The following HS3ST4 variants were observed in gnomAD, a reference collection of about 807,000 sequenced individuals.
The protein encoded by HS3ST4 is heparan sulfate-glucosamine 3-sulfotransferase 4, also known as heparan sulfate glucosamine 3-O-sulfotransferase 4.
A neutral mutation model predicts 29.2 loss-of-function variants in HS3ST4; 17 were observed. The ratio of observed to expected loss-of-function variants is 0.58; its 90% CI spans 0.40 to 0.87. The LOEUF (loss-of-function observed/expected upper bound fraction) is 0.87, where lower values mean the gene tolerates loss of function less well. Among genes scored for constraint, HS3ST4 ranks in the 40% least tolerant of loss-of-function variants. HS3ST4 has a pLI of 0.00. For missense variants in HS3ST4, 627 were observed against 634.5 expected (o/e 0.99, Z 0.13); for synonymous variants, 314 against 285.7 (o/e 1.10, Z -1.00).
intron 1 of HS3ST4, among the ~76,000 whole-genome samples, chr16:25,836,188 A>G (rs1736040657): frequency 6.6e-6 from 1 of 152,162 alleles, no homozygotes; most frequent in African/African-American, 2.4e-5. Context: ...TAAGGAGCCA[A>G]AATTACAAAA....
intron 1 of HS3ST4, among the ~76,000 whole-genome samples, chr16:26,019,677 A>G (rs1053074688): frequency 6.6e-6 from 1 of 152,218 alleles, no homozygotes. Flanking sequence ...CAGATCCCAG[A>G]TCTGCACAAC....
intron 1 of HS3ST4, among the ~76,000 whole-genome samples, chr16:25,975,905 CT>C (rs768430728): frequency 1.4e-4 from 21 of 152,226 alleles, no homozygotes; most frequent in Admixed American, 8.5e-4. Context: ...TTGGACCCCC[CT>C]GTTCCCATTT....
chr16:25,948,467 C>T (rs192296436), intron 1 of HS3ST4, among the ~76,000 whole-genome samples: 2 of 152,092 alleles, frequency 1.3e-5, no homozygotes, highest in East Asian at 3.9e-4. Flanking sequence ...GAAATGCACT[C>T]GACCCCTCTT....
At chr16:25,864,102 C>T (rs6650559) in intron 1 of HS3ST4, among the ~76,000 whole-genome samples, 27,492 of 152,178 alleles carry the variant, frequency 0.18, 2,751 homozygotes, top group African/African-American at 0.27. Context: ...CCTAAAGGGA[C>T]ACCACTCAGG....
At chr16:25,999,682 A>C (rs1969188074) in intron 1 of HS3ST4, among the ~76,000 whole-genome samples, 1 of 147,956 alleles carries the variant, frequency 6.8e-6, no homozygotes, top group Non-Finnish European at 1.5e-5. Flanking sequence ...ACTACTTTAG[A>C]CACATACTAT....
At chr16:25,768,362 G>C (rs966710579) in intron 1 of HS3ST4, among the ~76,000 whole-genome samples, 1 of 152,210 alleles carries the variant, frequency 6.6e-6, no homozygotes, top group African/African-American at 2.4e-5. Context: ...ACAGGCCCTA[G>C]TAGGGCATCT....
intron 1 of HS3ST4, among the ~76,000 whole-genome samples, chr16:26,070,185 T>A (rs1012892764): frequency 6.6e-6 from 1 of 152,124 alleles, no homozygotes; most frequent in Non-Finnish European, 1.5e-5. Flanking sequence ...AGTGTAAAAG[T>A]GTTCCTATTT....
intron 1 of HS3ST4, among the ~76,000 whole-genome samples, chr16:25,805,749 G>C (rs1269884967): frequency 6.6e-6 from 1 of 152,012 alleles, no homozygotes; most frequent in Non-Finnish European, 1.5e-5. Flanking sequence ...AGGGTGTGCA[G>C]GTTTGTTACA....
intron 1 of HS3ST4, among the ~76,000 whole-genome samples, chr16:25,702,118 T>C (rs926271557): frequency 6.6e-6 from 1 of 152,170 alleles, no homozygotes; most frequent in African/African-American, 2.4e-5. Context: ...TAACCATTGT[T>C]CAGGACTTAT....
At chr16:25,945,578 A>C (rs1001647126) in intron 1 of HS3ST4, among the ~76,000 whole-genome samples, 4 of 152,216 alleles carry the variant, frequency 2.6e-5, no homozygotes, top group Non-Finnish European at 5.9e-5. Flanking sequence ...GGTGCTTCTC[A>C]AAGCAGTCAG....
intron 1 of HS3ST4, among the ~76,000 whole-genome samples, chr16:25,894,213 G>A (rs1968037742): frequency 6.6e-6 from 1 of 152,112 alleles, no homozygotes; most frequent in Non-Finnish European, 1.5e-5. Flanking sequence ...CAGATGCTGT[G>A]TTCTGTGAAG....
intron 1 of HS3ST4, among the ~76,000 whole-genome samples, chr16:25,848,321 G>A (rs1967485788): frequency 1.3e-5 from 2 of 152,042 alleles, no homozygotes; most frequent in South Asian, 2.1e-4. Context: ...TGTATCTTTA[G>A]TAGAGATGGG....
chr16:25,960,869 G>A (rs1232982219), intron 1 of HS3ST4, among the ~76,000 whole-genome samples: 1 of 152,192 alleles, frequency 6.6e-6, no homozygotes, highest in Non-Finnish European at 1.5e-5. Flanking sequence ...AGGAAAATCT[G>A]TGCAAGGAAA....
Position 26,108,701 on chromosome 16 carries a change from A to G in HS3ST4, c.735-26911A>G, listed in dbSNP as rs180855368. On this transcript the variant is annotated intron_variant, in intron 1 of 1. Transcript: ENST00000331351. ...AAGCTTTTGGAATAGTAAGATCTTA[A>G]TAAATGTGAATGTCTAACAATTGTT... 1.4e-3 allele frequency among the ~76,000 whole-genome samples: 220 copies of G among 152,352 alleles called. 1 individual carries two copies. Among genetic ancestry groups the G allele is most frequent in the African/African-American group, 5.0e-3 (209 of 41,582 alleles).
chr16:25,996,291 A>G (rs1031466525), intron 1 of HS3ST4, among the ~76,000 whole-genome samples: 3 of 152,218 alleles, frequency 2.0e-5, no homozygotes, highest in Admixed American at 2.0e-4. Flanking sequence ...GGGCCAGGGT[A>G]AAACTGAGGA....
chr16:26,134,620 A>G (rs1439457824), intron 1 of HS3ST4, among the ~76,000 whole-genome samples: 1 of 152,064 alleles, frequency 6.6e-6, no homozygotes, highest in Non-Finnish European at 1.5e-5. Context: ...TCAGCCTCCC[A>G]AAGTGCTGGG....
intron 1 of HS3ST4, among the ~76,000 whole-genome samples, chr16:26,012,930 C>G (rs545916669): frequency 6.6e-6 from 1 of 151,896 alleles, no homozygotes; most frequent in Admixed American, 6.6e-5. Flanking sequence ...TTTGGGAGGC[C>G]GAGGCGGGCA....
At position 26,003,647 on chromosome 16, in the gene HS3ST4, T is replaced by C. The variant is rs1001116519; in HGVS notation, c.735-131965T>C. Among the ~76,000 whole-genome samples, 4 of 152,180 alleles carry C rather than the reference T, an allele frequency of 2.6e-5. No individual in the cohort carries two copies. The South Asian group carries it at 6.2e-4, about 24-fold the overall frequency. On this transcript the variant is annotated intron_variant, in intron 1 of 1. Coordinates refer to ENST00000331351, the MANE Select transcript of HS3ST4 (RefSeq NM_006040.3). ...TGTGACTTTTGGCAGAACAACTAAG[T>C]TAAAGAGCTACCCCTGAACTGGCCA... is the stretch of plus-strand genomic sequence containing the variant.
chr16:25,865,681 T>C (rs1967686732), intron 1 of HS3ST4, among the ~76,000 whole-genome samples: 1 of 152,224 alleles, frequency 6.6e-6, no homozygotes, highest in African/African-American at 2.4e-5. Context: ...AATTTATGGC[T>C]AGTTGATCCT....
Sources: gnomAD v4.1 joint callset for allele counts (sites outside exome capture counted in the v4.1 genomes callset) on GRCh38, gnomAD v4.1.1 for gene constraint, MANE v1.5 for transcripts, NCBI Gene and HGNC (gene_info 2026-07-23, HGNC 2026-07-21) for gene names.